The following TESMIN variants were observed in gnomAD, a reference collection of about 807,000 sequenced individuals.
TESMIN encodes CXC domain containing 2.
A neutral mutation model predicts 47.4 loss-of-function variants in TESMIN; 34 were observed. The ratio of observed to expected loss-of-function variants is 0.72; its 90% CI spans 0.55 to 0.96. TESMIN has a LOEUF of 0.96. TESMIN is among the 40% of genes least tolerant of loss of function. The pLI is 0.00. For missense variants in TESMIN, 610 were observed against 637.2 expected (o/e 0.96, Z 0.46); for synonymous variants, 278 against 258.9 (o/e 1.07, Z -0.71).
chr11:68,749,322 C>T (rs1946560453), intron 2 of TESMIN, among the ~76,000 whole-genome samples: 1 of 152,228 alleles, frequency 6.6e-6, no homozygotes. Context: ...GAGCAGAAAT[C>T]CAAGCTCCTG....
intron 4 of TESMIN, among the ~76,000 whole-genome samples, chr11:68,742,969 C>CA: frequency 6.6e-6 from 1 of 152,006 alleles, no homozygotes; most frequent in East Asian, 1.9e-4. Flanking sequence ...CTTGACCCCC[C>CA]TAGGCTCAAG....
Position 68,750,456 on chromosome 11 carries a change from G to T in TESMIN, c.205C>A (p.Pro69Thr), listed in dbSNP as rs756420011. ...PKEPVLHAFN[P>T]ALGADCKGQV... The stretch of plus-strand genomic sequence containing the variant: ...CCCTTGCAGTCGGCGCCCAGCGCGG[G>T]GTTGAACGCGTGCAGGACGGGTTCC... Residue 69 changes from proline (P) to threonine (T), a missense_variant, in exon 2 of 10, where the codon CCC becomes ACC. Pro to Thr is a conservative substitution (Grantham distance 38). Coordinates refer to ENST00000255087, the MANE Select transcript of TESMIN (RefSeq NM_004923.3). 6.3e-7 allele frequency: 1 copy of T among 1,591,010 alleles called. No homozygotes were observed. The highest frequency in any genetic ancestry group is 1.7e-5 in the Admixed American group (1 of 57,666).
At chr11:68,710,661 G>A in intron 9 of TESMIN, 1 of 525,256 alleles carries the variant, frequency 1.9e-6, no homozygotes, top group Non-Finnish European at 3.3e-6. Flanking sequence ...AAGACAAAGA[G>A]GACAAAACAG....
downstream of TESMIN, among the ~76,000 whole-genome samples, chr11:68,706,776 C>G (rs1171099602): frequency 6.6e-6 from 1 of 152,244 alleles, no homozygotes; most frequent in African/African-American, 2.4e-5. Context: ...ATTTTACCTG[C>G]TCCTTTTCAA....
chr11:68,733,408 T>C (rs941591042), intron 6 of TESMIN, among the ~76,000 whole-genome samples: 1 of 152,200 alleles, frequency 6.6e-6, no homozygotes, highest in African/African-American at 2.4e-5. Flanking sequence ...CCCCTTGAAG[T>C]GTGAGCCACC....
At chr11:68,742,969 C>T (rs1276615090) in intron 4 of TESMIN, among the ~76,000 whole-genome samples, 3 of 152,006 alleles carry the variant, frequency 2.0e-5, no homozygotes, top group Admixed American at 2.0e-4. Flanking sequence ...CTTGACCCCC[C>T]TAGGCTCAAG....
chr11:68,735,237 A>AG (rs1254129694), intron 6 of TESMIN, among the ~76,000 whole-genome samples: 4 of 151,998 alleles, frequency 2.6e-5, no homozygotes, highest in Non-Finnish European at 4.4e-5. Flanking sequence ...GCCTGTTCAG[A>AG]GGGGGGGCTC....
rs1232604182 is a variant in TESMIN at position 68,750,546 on chromosome 11, C to T, written c.115G>A (p.Val39Met). 6.8e-6 allele frequency: 11 copies of T among 1,606,326 alleles called. No individual in the cohort carries two copies. The highest frequency in any genetic ancestry group is 9.3e-6 in the Non-Finnish European group (11 of 1,177,260). Residue 39 changes from valine to methionine, a missense_variant, in exon 2 of 10, where the codon GTG (valine) becomes ATG (methionine). Coordinates refer to ENST00000255087, the MANE Select transcript of TESMIN (RefSeq NM_004923.3). The stretch of plus-strand genomic sequence containing the variant: ...TGGAACTCGTCCTCCTCGTACTTCA[C>T]GGGGGCCTTCAGGCCGATGTTCTCC... Reference protein sequence around the residue: ...ASENIGLKAPVKYEEDEFHVF... With the variant: ...ASENIGLKAPMKYEEDEFHVF...
At position 68,745,086 on chromosome 11, in the gene TESMIN, G is replaced by C; in HGVS notation, c.656C>G (p.Thr219Arg). Residue 219 changes from threonine (T) to arginine (R), a missense_variant, in exon 4 of 10, where the codon ACA becomes AGA. Transcript: ENST00000255087. ...PMVICQLKGG[T>R]QMLCIDNSRT... ...AGAATTGTCTATACATAGCATTTGTGTGCCCCCTTTCAATTGGCATATCAC... is the reference window on the plus strand; with the variant it reads ...AGAATTGTCTATACATAGCATTTGTCTGCCCCCTTTCAATTGGCATATCAC... 1 of 1,580,630 alleles carries C rather than the reference G, an allele frequency of 6.3e-7. No homozygotes were observed. The highest frequency in any genetic ancestry group is 8.5e-7 in the Non-Finnish European group (1 of 1,171,562).
At chr11:68,718,081 C>T (rs549000590) in intron 6 of TESMIN, among the ~76,000 whole-genome samples, 4 of 145,346 alleles carry the variant, frequency 2.8e-5, no homozygotes, top group African/African-American at 1.0e-4. Context: ...AGTGCACCTG[C>T]AGGCCCAGTC....
At chr11:68,730,750 A>T (rs962368119) in intron 6 of TESMIN, among the ~76,000 whole-genome samples, 5 of 151,072 alleles carry the variant, frequency 3.3e-5, no homozygotes, top group Admixed American at 6.6e-5. Flanking sequence ...AGCCGAGATC[A>T]CACCATTGCA....
At chr11:68,750,898 G>GGC in intron 1 of TESMIN, among the ~76,000 whole-genome samples, 199 bp from the exon 2 acceptor site, 2 of 127,074 alleles carry the variant, frequency 1.6e-5, no homozygotes. Context: ...CCAGGTGAGG[G>GGC]GGTCAGGGGA....
intron 3 of TESMIN, 109 bp downstream of exon 3, chr11:68,747,099 A>G (rs762093280): frequency 7.9e-7 from 1 of 1,268,882 alleles, no homozygotes; most frequent in Non-Finnish European, 1.1e-6. Context: ...ATCCTGATAC[A>G]ATACATACGT....
At chr11:68,738,853 G>GC in intron 5 of TESMIN, 65 bp from the exon 6 acceptor site, 11 of 1,359,144 alleles carry the variant, frequency 8.1e-6, no homozygotes, top group Non-Finnish European at 1.2e-5. Flanking sequence ...CAGTCAGCCA[G>GC]CCCCCTAGAT....
At chr11:68,717,667 C>T (rs1946155940) in intron 6 of TESMIN, among the ~76,000 whole-genome samples, 1 of 152,158 alleles carries the variant, frequency 6.6e-6, no homozygotes, top group African/African-American at 2.4e-5. Flanking sequence ...CTTCGGAAGG[C>T]TCTGGAATGG....
chr11:68,742,321 T>C lies in TESMIN; in HGVS notation c.825A>G (p.Gln275=), dbSNP rs763802738. Residue 275 remains glutamine (Q), a synonymous_variant, in exon 5 of 10, where the codon CAA becomes CAG. Transcript: ENST00000255087. ...TTAAATTAAAACAATGACTCACTTG[T>C]TGTGTAATGAGATTTAATTTTGTTG... is the stretch of plus-strand genomic sequence containing the variant. ...PASTKLNLIT[Q]QLEGALPSVV... 1.3e-6 allele frequency: 2 copies of C among 1,578,594 alleles called. No homozygotes were observed. Among genetic ancestry groups the C allele is most frequent in the Non-Finnish European group, 1.7e-6 (2 of 1,155,272 alleles).
intron 6 of TESMIN, chr11:68,738,360 G>A: frequency 9.8e-7 from 1 of 1,021,546 alleles, no homozygotes; most frequent in Non-Finnish European, 1.2e-6. Context: ...ACGGACGACA[G>A]CAAAAAAGAG....
chr11:68,709,659 C>T (rs1411898154), intron 9 of TESMIN, among the ~76,000 whole-genome samples: 1 of 152,176 alleles, frequency 6.6e-6, no homozygotes, highest in Admixed American at 6.5e-5. Flanking sequence ...GGATTAAAGT[C>T]TCTCTATAAA....
chr11:68,707,622 T>A lies in TESMIN; in HGVS notation c.*686A>T. The A allele has an allele frequency of 4.0e-6, 1 of 247,152 alleles. No individual in the cohort carries two copies. Among genetic ancestry groups the A allele is most frequent in the Admixed American group, 4.2e-5 (1 of 24,076 alleles). The allele number at this position is 247,152 out of a possible 1,614,324, so 15.3% of individuals were successfully genotyped here. On this transcript the variant is annotated 3_prime_UTR_variant, in exon 10 of 10. Coordinates refer to ENST00000255087, the MANE Select transcript of TESMIN (RefSeq NM_004923.3). ...ATTGGATAATAGAGCTTTTCCACAA[T>A]TCAAGTAGAAACACAGAAGAAACTG...
Sources: gnomAD v4.1 joint callset for allele counts (sites outside exome capture counted in the v4.1 genomes callset) on GRCh38, gnomAD v4.1.1 for gene constraint, MANE v1.5 for transcripts, NCBI Gene and HGNC (gene_info 2026-07-23, HGNC 2026-07-21) for gene names.